The following MYO16 variants were observed in gnomAD, a reference collection of about 807,000 sequenced individuals.
The protein encoded by MYO16 is myosin XVI.
MYO16 carries 94 observed loss-of-function variants against 205.3 expected under a neutral mutation model. The ratio of observed to expected loss-of-function variants is 0.46; its 90% CI spans 0.39 to 0.54. The LOEUF (loss-of-function observed/expected upper bound fraction) is 0.54, where lower values mean the gene tolerates loss of function less well. Among genes scored for constraint, MYO16 ranks in the 20% least tolerant of loss-of-function variants. The pLI is 0.00. For missense variants in MYO16, 2,315 were observed against 2,387.5 expected (o/e 0.97, Z 0.63); for synonymous variants, 988 against 954.0 (o/e 1.04, Z -0.66).
intron 9 of MYO16, among the ~76,000 whole-genome samples, chr13:108,838,100 G>T (rs411652): frequency 0.59 from 89,871 of 152,054 alleles, 27,892 homozygotes; most frequent in Middle Eastern, 0.72. Flanking sequence ...CACAGGTTCT[G>T]GAGCTTAGAA....
chr13:108,984,025 A>T (rs986543917), intron 20 of MYO16, among the ~76,000 whole-genome samples: 1 of 152,194 alleles, frequency 6.6e-6, no homozygotes, highest in Non-Finnish European at 1.5e-5. Flanking sequence ...TAAAATATTC[A>T]CAGAGCTCAA....
At chr13:108,636,685 G>C (rs551811411) in intron 1 of MYO16, among the ~76,000 whole-genome samples, 1 of 151,962 alleles carries the variant, frequency 6.6e-6, no homozygotes, top group Admixed American at 6.6e-5. Context: ...GCCCCAAGTT[G>C]TTTTTATTTT....
chr13:108,794,657 G>A (rs1886728621), intron 6 of MYO16, among the ~76,000 whole-genome samples: 1 of 152,146 alleles, frequency 6.6e-6, no homozygotes, highest in Admixed American at 6.5e-5. Flanking sequence ...TATATTTGAT[G>A]TCTAATCACC....
At chr13:108,895,129 G>A (rs1024907799) in intron 14 of MYO16, among the ~76,000 whole-genome samples, 2 of 151,870 alleles carry the variant, frequency 1.3e-5, no homozygotes, top group African/African-American at 4.8e-5. Context: ...AGAAAATACA[G>A]TAGATTAACT....
the MYO16 span, among the ~76,000 whole-genome samples, chr13:108,508,474 G>A: frequency 2.0e-5 from 3 of 150,976 alleles, no homozygotes; most frequent in Non-Finnish European, 1.5e-5. Context: ...CTTTGTTGCT[G>A]CTTCAGCAAG....
At chr13:109,163,187 T>C (rs1422192371) in intron 32 of MYO16, among the ~76,000 whole-genome samples, 1 of 152,154 alleles carries the variant, frequency 6.6e-6, no homozygotes, top group Non-Finnish European at 1.5e-5. Context: ...CTGTGCTCTG[T>C]GCTGTAAAGG....
chr13:109,049,919 C>T (rs1427472688), intron 24 of MYO16, among the ~76,000 whole-genome samples: 2 of 138,174 alleles, frequency 1.4e-5, no homozygotes, highest in African/African-American at 2.7e-5. Flanking sequence ...TCTTTCCTTC[C>T]TTTGTCCTGT....
intron 7 of MYO16, among the ~76,000 whole-genome samples, chr13:108,808,711 T>C (rs1247608920): frequency 6.6e-6 from 1 of 151,620 alleles, no homozygotes; most frequent in East Asian, 1.9e-4. Flanking sequence ...ATTTGTGTTA[T>C]GTGGTAAAAA....
chr13:109,019,996 AG>A, intron 23 of MYO16, 85 bp downstream of exon 23: 1 of 1,356,888 alleles, frequency 7.4e-7, no homozygotes, highest in Admixed American at 2.3e-5. Context: ...TGATATTTTA[AG>A]GTGTGTTATT....
chr13:109,194,223 A>G (rs1880051573), intron 34 of MYO16, among the ~76,000 whole-genome samples: 1 of 152,166 alleles, frequency 6.6e-6, no homozygotes, highest in Admixed American at 6.5e-5. Flanking sequence ...AGAACCCACC[A>G]CAGTTCCTTG....
chr13:108,771,579 G>A (rs1017275905), intron 4 of MYO16, among the ~76,000 whole-genome samples: 1 of 152,096 alleles, frequency 6.6e-6, no homozygotes, highest in Non-Finnish European at 1.5e-5. Context: ...GCAGTGACAT[G>A]GATCCACCCG....
At chr13:108,706,730 C>T (rs534203446) in intron 2 of MYO16, among the ~76,000 whole-genome samples, 1 of 152,332 alleles carries the variant, frequency 6.6e-6, no homozygotes, top group African/African-American at 2.4e-5. Flanking sequence ...ATTGGAGAAT[C>T]TGGGTCAACC....
intron 11 of MYO16, among the ~76,000 whole-genome samples, chr13:108,865,164 G>C (rs113456568): frequency 0.011 from 1,673 of 152,194 alleles, 21 homozygotes; most frequent in African/African-American, 0.038. Context: ...TGTTCAACTT[G>C]TCAGTAACAG....
intron 4 of MYO16, among the ~76,000 whole-genome samples, chr13:108,781,984 G>A (rs748060733): frequency 6.6e-6 from 1 of 152,124 alleles, no homozygotes; most frequent in Non-Finnish European, 1.5e-5. Flanking sequence ...TTCAGGTATG[G>A]CTTTATTAGC....
intron 14 of MYO16, among the ~76,000 whole-genome samples, chr13:108,896,551 CACA>C (rs970163177): frequency 6.6e-6 from 1 of 152,192 alleles, no homozygotes; most frequent in African/African-American, 2.4e-5. Context: ...TCACTATTAT[CACA>C]ACTTGTAGCA....
intron 2 of MYO16, among the ~76,000 whole-genome samples, chr13:108,711,091 C>T (rs1883702225): frequency 6.6e-6 from 1 of 152,032 alleles, no homozygotes; most frequent in Non-Finnish European, 1.5e-5. Context: ...GAAAGGGAGG[C>T]AGAGAAAGGG....
chr13:108,819,940 G>A (rs1875873331), intron 7 of MYO16, among the ~76,000 whole-genome samples: 3 of 152,128 alleles, frequency 2.0e-5, no homozygotes, highest in Admixed American at 6.5e-5. Flanking sequence ...GTTGTACTTT[G>A]TTGTATTTTG....
intron 9 of MYO16, among the ~76,000 whole-genome samples, chr13:108,835,104 A>G (rs1023743154): frequency 6.6e-5 from 10 of 151,954 alleles, no homozygotes; most frequent in Admixed American, 5.9e-4. Context: ...TTTTTCTTAT[A>G]TGAATAAGAG....
At chr13:108,759,649 G>A (rs560837089) in intron 4 of MYO16, among the ~76,000 whole-genome samples, 29 of 151,972 alleles carry the variant, frequency 1.9e-4, no homozygotes, top group African/African-American at 5.3e-4. Context: ...GTGAAACCCC[G>A]TCTCTACTAA....
Sources: gnomAD v4.1 joint callset for allele counts (sites outside exome capture counted in the v4.1 genomes callset) on GRCh38, gnomAD v4.1.1 for gene constraint, MANE v1.5 for transcripts, NCBI Gene and HGNC (gene_info 2026-07-23, HGNC 2026-07-21) for gene names.